Variants in MACROD2 observed in about 807,000 individuals in gnomAD.
The protein encoded by MACROD2 is ADP-ribose glycohydrolase MACROD2.
In MACROD2, 36 loss-of-function variants were observed where a neutral mutation model predicts 70.4. That is an observed-to-expected ratio of 0.51 (90% CI 0.39 to 0.68). The LOEUF is 0.68. MACROD2 is among the 30% of genes least tolerant of loss of function. MACROD2 has a pLI of 0.00. For missense variants in MACROD2, 496 were observed against 538.4 expected (o/e 0.92, Z 0.78); for synonymous variants, 172 against 178.8 (o/e 0.96, Z 0.30).
At chr20:14,615,800 A>T (rs1328792372) in intron 4 of MACROD2, among the ~76,000 whole-genome samples, 3 of 152,154 alleles carry the variant, frequency 2.0e-5, no homozygotes, top group East Asian at 3.9e-4. Context: ...TACACTAAGG[A>T]TCAATGCAAG....
chr20:15,156,381 A>G (rs1352563300), intron 5 of MACROD2, among the ~76,000 whole-genome samples: 1 of 152,216 alleles, frequency 6.6e-6, no homozygotes, highest in African/African-American at 2.4e-5. Context: ...TCATCTTAGT[A>G]ATAGAAGCAG....
chr20:16,012,283 G>T (rs913008552), intron 15 of MACROD2, among the ~76,000 whole-genome samples: 2 of 152,146 alleles, frequency 1.3e-5, no homozygotes, highest in African/African-American at 4.8e-5. Flanking sequence ...ACATTAGAGA[G>T]GACACACCGT....
intron 8 of MACROD2, among the ~76,000 whole-genome samples, chr20:15,565,779 G>C (rs544096960): frequency 6.6e-6 from 1 of 151,994 alleles, no homozygotes; most frequent in Non-Finnish European, 1.5e-5. Context: ...TTACAGACGC[G>C]GTCTGGCTGT....
chr20:15,331,910 A>G (rs2077996686), intron 6 of MACROD2, among the ~76,000 whole-genome samples: 1 of 151,618 alleles, frequency 6.6e-6, no homozygotes, highest in South Asian at 2.1e-4. Flanking sequence ...AATTTTTTAA[A>G]ATGTGTTATT....
intron 4 of MACROD2, among the ~76,000 whole-genome samples, chr20:14,580,933 C>T (rs1277567861): frequency 1.3e-5 from 2 of 152,190 alleles, no homozygotes; most frequent in African/African-American, 4.8e-5. Context: ...AGAGCTTTAT[C>T]TCTGAAGAAC....
At chr20:15,070,692 A>G (rs1391785739) in intron 5 of MACROD2, among the ~76,000 whole-genome samples, 1 of 152,132 alleles carries the variant, frequency 6.6e-6, no homozygotes, top group African/African-American at 2.4e-5. Context: ...TATCATGATT[A>G]CAAGCTTCCT....
At chr20:15,687,915 C>G (rs1040845404) in intron 8 of MACROD2, among the ~76,000 whole-genome samples, 1 of 152,122 alleles carries the variant, frequency 6.6e-6, no homozygotes, top group Non-Finnish European at 1.5e-5. Context: ...GTTATACACT[C>G]AGGTTTTTGA....
intron 2 of MACROD2, among the ~76,000 whole-genome samples, chr20:14,069,135 A>G (rs1225067490): frequency 6.6e-6 from 1 of 152,112 alleles, no homozygotes; most frequent in Admixed American, 6.5e-5. Flanking sequence ...TTTAGTAGAA[A>G]TGGGTTTCAC....
At chr20:14,393,386 A>G (rs929833246) in intron 3 of MACROD2, among the ~76,000 whole-genome samples, 2 of 152,148 alleles carry the variant, frequency 1.3e-5, no homozygotes, top group African/African-American at 4.8e-5. Context: ...AGCTTCTTTC[A>G]CTGTCTACCC....
At chr20:15,321,197 C>T (rs1057233007) in intron 6 of MACROD2, among the ~76,000 whole-genome samples, 2 of 144,410 alleles carry the variant, frequency 1.4e-5, no homozygotes, top group African/African-American at 4.9e-5. Context: ...GGACTCTGTT[C>T]CTGCTTGTTC....
intron 3 of MACROD2, among the ~76,000 whole-genome samples, chr20:14,317,700 A>G (rs949055125): frequency 1.3e-5 from 2 of 152,060 alleles, no homozygotes; most frequent in Non-Finnish European, 2.9e-5. Flanking sequence ...CTGTACACCC[A>G]ACTCCAGCCA....
At chr20:15,279,503 C>T (rs534421284) in intron 6 of MACROD2, among the ~76,000 whole-genome samples, 17 of 152,234 alleles carry the variant, frequency 1.1e-4, no homozygotes, top group Admixed American at 9.8e-4. Context: ...TAATGCAATA[C>T]CAGACTCCAA....
chr20:14,186,524 A>G (rs1450061960), intron 3 of MACROD2, among the ~76,000 whole-genome samples: 2 of 152,172 alleles, frequency 1.3e-5, no homozygotes, highest in East Asian at 1.9e-4. Context: ...TTGTTCAGCC[A>G]TTGTGGAGAG....
Position 14,072,310 on chromosome 20 carries a change from GGAA to G in MACROD2, c.164-13308_164-13306del. On this transcript the variant is annotated intron_variant, in intron 2 of 17. Coordinates refer to ENST00000684519, the MANE Select transcript of MACROD2 (RefSeq NM_001351661.2). ...GAAATTGCTGCATTTTGCCACTAAA[GGAA>G]GAGATAGGACTTAGACAGTTCATTC... 2.0e-5 allele frequency among the ~76,000 whole-genome samples: 3 copies of G among 152,206 alleles called. No individual in the cohort carries two copies. The South Asian group carries it at 6.2e-4, about 32-fold the overall frequency.
chr20:14,238,479 C>G (rs2081897960), intron 3 of MACROD2, among the ~76,000 whole-genome samples: 1 of 152,110 alleles, frequency 6.6e-6, no homozygotes, highest in African/African-American at 2.4e-5. Context: ...TGCAAGCATC[C>G]CCCTTGAAAA....
In MACROD2 at chr20:15,314,548, C is replaced by T. The variant is rs139368429; in HGVS notation, c.540+84487C>T. ...GAAGCCCATGTTCCCAGTGTGAGACCGTGTCCCTGATTTTGTAGGGAGAAA... is the reference window on the plus strand; with the variant it reads ...GAAGCCCATGTTCCCAGTGTGAGACTGTGTCCCTGATTTTGTAGGGAGAAA... On this transcript the variant is annotated intron_variant, in intron 6 of 17. Transcript: ENST00000684519. 1.7e-3 allele frequency among the ~76,000 whole-genome samples: 262 copies of T among 152,268 alleles called. 1 individual carries two copies. The highest frequency in any genetic ancestry group is 1.6e-3 in the Non-Finnish European group (106 of 68,020).
chr20:15,176,721 A>C (rs1410112324), intron 5 of MACROD2, among the ~76,000 whole-genome samples: 2 of 152,114 alleles, frequency 1.3e-5, no homozygotes, highest in Non-Finnish European at 2.9e-5. Context: ...GGACATGCCA[A>C]ATGGCTGTAA....
chr20:14,475,319 C>T (rs1197154520), intron 3 of MACROD2, among the ~76,000 whole-genome samples: 1 of 117,050 alleles, frequency 8.5e-6, no homozygotes, highest in Non-Finnish European at 2.0e-5. Context: ...GTTGCCTATA[C>T]CATAATTAAT....
chr20:15,688,851 A>G (rs1568975846), intron 8 of MACROD2, among the ~76,000 whole-genome samples: 2 of 152,232 alleles, frequency 1.3e-5, no homozygotes, highest in Non-Finnish European at 1.5e-5. Context: ...TGAAAAACGT[A>G]AGGTGAAATC....
Sources: allele counts gnomAD v4.1 joint callset (sites outside exome capture counted in the v4.1 genomes callset), GRCh38; gene constraint gnomAD v4.1.1; transcripts MANE v1.5; gene names NCBI Gene and HGNC (gene_info 2026-07-23, HGNC 2026-07-21).